Variants in UNC80 observed in about 807,000 individuals in gnomAD.
UNC80 encodes the protein protein unc-80 homolog.
UNC80 carries 164 observed loss-of-function variants against 384.6 expected under a neutral mutation model. That is an observed-to-expected ratio of 0.43 (90% confidence interval 0.38 to 0.49). UNC80 has a LOEUF of 0.49. UNC80 is among the 20% of genes least tolerant of loss of function. The probability of loss-of-function intolerance (pLI) is 0.00; values close to 1 mark genes in which losing one functional copy is unlikely to be tolerated. For synonymous variants in UNC80, 1,486 were observed against 1,527.8 expected (o/e 0.97, Z 0.64); for missense variants, 3,330 against 4,143.0 (o/e 0.80, Z 5.39).
At chr2:209,859,022 A>G (rs1209007646) in intron 22 of UNC80, among the ~76,000 whole-genome samples, 1 of 152,202 alleles carries the variant, frequency 6.6e-6, no homozygotes, top group Non-Finnish European at 1.5e-5. Flanking sequence ...TAGAAATCAC[A>G]TACATATTTA....
intron 10 of UNC80, 109 bp from the exon 11 acceptor site, chr2:209,817,703 T>G: frequency 7.4e-7 from 1 of 1,356,948 alleles, no homozygotes; most frequent in Non-Finnish European, 1.0e-6. Flanking sequence ...GTTTCACACT[T>G]TTCCTAACAG....
chr2:209,961,063 G>A (rs1191915394), intron 51 of UNC80: 1 of 149,952 alleles, frequency 6.7e-6, no homozygotes, highest in Non-Finnish European at 1.5e-5. Flanking sequence ...AAAGATGGAT[G>A]TGTGTGTGTG....
At chr2:209,818,893 C>T in intron 11 of UNC80, 100 bp from the exon 12 acceptor site, 1 of 1,336,252 alleles carries the variant, frequency 7.5e-7, no homozygotes, top group Non-Finnish European at 1.0e-6. Flanking sequence ...TCAAAAACTA[C>T]AGCTGTTATT....
intron 29 of UNC80, among the ~76,000 whole-genome samples, chr2:209,908,365 G>T (rs2088516603): frequency 6.6e-6 from 1 of 151,982 alleles, no homozygotes; most frequent in Non-Finnish European, 1.5e-5. Context: ...CAATGCTGAG[G>T]GACTCACTGT....
intron 23 of UNC80, among the ~76,000 whole-genome samples, chr2:209,873,459 T>C (rs1296124278): frequency 1.3e-5 from 2 of 152,240 alleles, no homozygotes; most frequent in Non-Finnish European, 2.9e-5. Context: ...TTAAGTTGCC[T>C]GAAAGCCTTT....
chr2:209,814,168 T>A (rs1305331205), intron 8 of UNC80, among the ~76,000 whole-genome samples: 2 of 152,150 alleles, frequency 1.3e-5, no homozygotes, highest in Admixed American at 1.3e-4. Context: ...ATTACCAATA[T>A]CATAAAATCT....
rs981263310 is a variant in UNC80 at position 209,936,926 on chromosome 2, A to G, written c.6356A>G (p.Tyr2119Cys). ...GATAAACGATGGAACCTTATCCACT[A>G]CAATAAGGTGAGACACCAGTAGTGA... ...LMDKRWNLIHYNKTYVRDIYP... is the reference protein window; with the variant it reads ...LMDKRWNLIHCNKTYVRDIYP... The change falls in exon 41 of 65, where the codon TAC becomes TGC. Residue 2119 changes from tyrosine (Y) to cysteine (C), a missense_variant. Physicochemically the swap from Tyr to Cys is radical, Grantham distance 194 (BLOSUM62 -2). This residue lies in a region of UNC80 where 1,049 missense variants were observed against 1,488.6 expected (regional missense o/e 0.70). Transcript: ENST00000673920. The G allele has an allele frequency of 6.5e-7, 1 of 1,543,760 alleles. No homozygotes were observed.
At position 209,976,361 on chromosome 2, in the gene UNC80, T is replaced by G; in HGVS notation, c.8772+58T>G. On this transcript the variant is annotated intron_variant, in intron 57 of 64. Transcript: ENST00000673920. This position sits in a 1 kb window ranked among gnomAD's most constrained non-coding sequence, Gnocchi z 4.3. ...AAGCTCAAATGAATGTGTGGCTCTCTACTGAGGCAGGAATATGGCAGGAGT... is the reference window on the plus strand; with the variant it reads ...AAGCTCAAATGAATGTGTGGCTCTCGACTGAGGCAGGAATATGGCAGGAGT... 13 of 1,548,596 alleles carry G rather than the reference T, an allele frequency of 8.4e-6. No individual in the cohort carries two copies. Among genetic ancestry groups the G allele is most frequent in the Non-Finnish European group, 1.1e-5 (13 of 1,144,640 alleles).
Position 209,962,102 on chromosome 2 carries a change from T to C in UNC80, c.7805+2395T>C, listed in dbSNP as rs1020783353. Among the ~76,000 whole-genome samples, 11 of 152,180 alleles carry C rather than the reference T, an allele frequency of 7.2e-5. 1 individual carries two copies. Among genetic ancestry groups the C allele is most frequent in the Admixed American group, 3.9e-4 (6 of 15,260 alleles). On this transcript the variant is annotated intron_variant, in intron 51 of 64. Coordinates refer to ENST00000673920, the MANE Select transcript of UNC80 (RefSeq NM_001371986.1). Reference sequence around the variant, plus strand: ...TCCTTCTGGGAATGGGGCAAGACCCTTTCTGGAAAGGGGGCGTTGTTATGA... The same window carrying C: ...TCCTTCTGGGAATGGGGCAAGACCCCTTCTGGAAAGGGGGCGTTGTTATGA...
At chr2:209,786,406 C>T (rs1440270528) in intron 5 of UNC80, among the ~76,000 whole-genome samples, 1 of 152,194 alleles carries the variant, frequency 6.6e-6, no homozygotes, top group Non-Finnish European at 1.5e-5. Context: ...TCCTGTGCCT[C>T]AGCTTCCTCA....
chr2:209,930,876 C>A, intron 37 of UNC80, 92 bp from the exon 38 acceptor site: 3 of 805,316 alleles, frequency 3.7e-6, no homozygotes, highest in Non-Finnish European at 5.8e-6. Context: ...TAAAAAAAAT[C>A]CCTCACCCAA....
chr2:209,819,776 A>G (rs181984799), intron 12 of UNC80, among the ~76,000 whole-genome samples: 1 of 152,296 alleles, frequency 6.6e-6, no homozygotes, highest in Admixed American at 6.5e-5. Flanking sequence ...CACATTAGGA[A>G]TCCTGGCTTA....
rs10178675 is a variant in UNC80 at position 209,840,624 on chromosome 2, C to G, written c.3333C>G (p.Leu1111=). ...TGGACATTAGCTCTGTGGACCGACT[C>G]TCTTTCATCAGGCAAAGCTCCAAGG... The part of the protein sequence containing the change: ...DLLDISSVDR[L]SFIRQSSKVK... The change falls in exon 20 of 65, where the codon CTC becomes CTG. Residue 1111 remains leucine (L), a synonymous_variant. Coordinates refer to ENST00000673920, the MANE Select transcript of UNC80 (RefSeq NM_001371986.1). 0.14 allele frequency: 210,519 copies of G among 1,551,222 alleles called. 17,754 individuals carry two copies. Among genetic ancestry groups the G allele is most frequent in the African/African-American group, 0.33 (23,774 of 73,004 alleles).
intron 29 of UNC80, among the ~76,000 whole-genome samples, chr2:209,910,085 G>T (rs2088740976): frequency 6.6e-6 from 1 of 151,174 alleles, no homozygotes; most frequent in Non-Finnish European, 1.5e-5. Context: ...GCAGGGAACT[G>T]TAGAGAAACT....
chr2:209,907,825 G>A (rs1574972059), intron 29 of UNC80, among the ~76,000 whole-genome samples: 1 of 152,348 alleles, frequency 6.6e-6, no homozygotes, highest in East Asian at 1.9e-4. Flanking sequence ...TTAAGTGAGT[G>A]AGTAGAGCTG....
chr2:209,787,309 G>A (rs1350208377), intron 5 of UNC80, among the ~76,000 whole-genome samples: 1 of 152,108 alleles, frequency 6.6e-6, no homozygotes, highest in East Asian at 1.9e-4. Flanking sequence ...AGATAAAGAT[G>A]TAACTGATTT....
At chr2:209,794,036 C>T (rs1182331404) in intron 7 of UNC80, among the ~76,000 whole-genome samples, 177 bp downstream of exon 7, 6 of 152,176 alleles carry the variant, frequency 3.9e-5, no homozygotes, top group Non-Finnish European at 7.3e-5. Context: ...GAATGGCTCT[C>T]CTTTAAACAA....
intron 7 of UNC80, among the ~76,000 whole-genome samples, chr2:209,799,590 C>T (rs2078404780): frequency 6.6e-6 from 1 of 152,146 alleles, no homozygotes; most frequent in South Asian, 2.1e-4. Flanking sequence ...TTGCCCTGGC[C>T]ATAACTTCCA....
chr2:209,953,146 G>A (rs912586773), intron 47 of UNC80, among the ~76,000 whole-genome samples: 2 of 152,108 alleles, frequency 1.3e-5, no homozygotes, highest in African/African-American at 2.4e-5. Flanking sequence ...GGCAGGGTGC[G>A]GTGGTTCATG....
Sources: gnomAD v4.1 joint callset for allele counts (sites outside exome capture counted in the v4.1 genomes callset) on GRCh38, gnomAD v4.1.1 for gene constraint, gnomAD v4.1.1 regional missense constraint, Gnocchi (gnomAD v3.1) non-coding constraint, MANE v1.5 for transcripts, NCBI Gene and HGNC (gene_info 2026-07-23, HGNC 2026-07-21) for gene names.